WWC1: variants seen among roughly 807,000 people sequenced by gnomAD.
The protein encoded by WWC1 is protein KIBRA.
In WWC1, 55 loss-of-function variants were observed where a neutral mutation model predicts 138.4. The ratio of observed to expected loss-of-function variants is 0.40; its 90% CI spans 0.32 to 0.50. The LOEUF is 0.50. Ranked by LOEUF, WWC1 falls within the 20% of genes least tolerant of loss-of-function variation. The pLI is 0.72. For synonymous variants in WWC1, 524 were observed against 564.9 expected (o/e 0.93, Z 1.03); for missense variants, 1,226 against 1,420.4 (o/e 0.86, Z 2.20).
chr5:168,454,673 G>A (rs6897554), intron 18 of WWC1, among the ~76,000 whole-genome samples: 1,528 of 152,250 alleles, frequency 0.01, 26 homozygotes, highest in African/African-American at 0.035. Context: ...CTGGAGTACC[G>A]CACAGAGGTG....
Position 168,292,091 on chromosome 5 carries a change from A to G in WWC1, c.-62A>G, listed in dbSNP as rs1462819813. On this transcript the variant is annotated 5_prime_UTR_variant, in exon 1 of 23. Coordinates refer to ENST00000265293, the MANE Select transcript of WWC1 (RefSeq NM_015238.3). The surrounding 1 kb of genome is among the most constrained non-coding windows in gnomAD (Gnocchi z 4.4). The stretch of plus-strand genomic sequence containing the variant: ...GCCCGGGCTAAGAGCGGCCGGCTGG[A>G]GCCGCTGAGCCCCCGCTGCGGCCGG... The G allele has an allele frequency of 1.4e-4, 199 of 1,453,690 alleles. 3 individuals are homozygous for G. The East Asian group carries it at 5.5e-3, about 40-fold the overall frequency. The allele number at this position is 1,453,690 out of a possible 1,614,324, so 90.0% of individuals were successfully genotyped here. A position where few individuals can be genotyped will look rare whatever the true frequency, so the allele number is the denominator to read the frequency against.
chr5:168,465,114 A>G, intron 21 of WWC1, 152 bp downstream of exon 21: 1 of 1,223,412 alleles, frequency 8.2e-7, no homozygotes, highest in Middle Eastern at 2.9e-4. Flanking sequence ...CCTCGTTCCC[A>G]TCAGGAGAGG....
chr5:168,293,639 C>A (rs974632520), intron 1 of WWC1, among the ~76,000 whole-genome samples: 1 of 152,164 alleles, frequency 6.6e-6, no homozygotes, highest in Non-Finnish European at 1.5e-5. Context: ...CTGCTTCAAC[C>A]TCTGAGCCTC....
intron 2 of WWC1, among the ~76,000 whole-genome samples, chr5:168,373,840 G>A (rs1051669132): frequency 6.6e-6 from 1 of 150,954 alleles, no homozygotes; most frequent in Non-Finnish European, 1.5e-5. Context: ...AGGTCAGGAG[G>A]TCGAGACCAT....
chr5:168,362,914 C>T (rs1397568229), intron 1 of WWC1, among the ~76,000 whole-genome samples: 6 of 152,234 alleles, frequency 3.9e-5, no homozygotes, highest in Admixed American at 1.3e-4. Flanking sequence ...GTGGAGGAAC[C>T]GTCTGGAATC....
At chr5:168,389,617 T>G (rs1232461290) in intron 3 of WWC1, among the ~76,000 whole-genome samples, 6 of 128,758 alleles carry the variant, frequency 4.7e-5, no homozygotes, top group African/African-American at 1.6e-4. Flanking sequence ...TTTTTTTTTT[T>G]TGTTAATTTT....
At position 168,427,980 on chromosome 5, in the gene WWC1, C is replaced by T. The variant is rs772229186; in HGVS notation, c.1811-53C>T. ...TCAAAAACAAAACAAAATTGGGAGT[C>T]GCAAAGGCAGTTTCCTGGTTCCTGA... On this transcript the variant is annotated intron_variant, in intron 11 of 22. Coordinates refer to ENST00000265293, the MANE Select transcript of WWC1 (RefSeq NM_015238.3). 6.8e-5 allele frequency: 103 copies of T among 1,514,868 alleles called. 1 individual carries two copies. The highest frequency in any genetic ancestry group is 8.2e-5 in the Non-Finnish European group (90 of 1,095,556). 93.8% of individuals were successfully genotyped at this position (1,514,868 alleles called of 1,614,324 possible). A position where few individuals can be genotyped will look rare whatever the true frequency, so the allele number is the denominator to read the frequency against.
chr5:168,431,502 CT>C, intron 15 of WWC1, 58 bp downstream of exon 15: 1 of 1,542,050 alleles, frequency 6.5e-7, no homozygotes, highest in Non-Finnish European at 8.7e-7. Flanking sequence ...GGCTGGCTGG[CT>C]GACCGGCCTT....
chr5:168,342,319 T>C lies in WWC1; in HGVS notation c.120-29105T>C, dbSNP rs191171962. ...ATGGAGCTGAACAGGGTAGGGACCA[T>C]GGAAGGTAGAGCTATTGCGCAAAAA... On this transcript the variant is annotated intron_variant, in intron 1 of 22. Coordinates refer to ENST00000265293, the MANE Select transcript of WWC1 (RefSeq NM_015238.3). Among the ~76,000 whole-genome samples, 32 of 152,076 alleles carry C rather than the reference T, an allele frequency of 2.1e-4. No homozygotes were observed. In the East Asian group the frequency reaches 4.6e-3, roughly 22 times the overall value.
chr5:168,466,953 C>G (rs1198557915), intron 21 of WWC1, among the ~76,000 whole-genome samples: 1 of 151,960 alleles, frequency 6.6e-6, no homozygotes, highest in Non-Finnish European at 1.5e-5. Context: ...TGACTTCTAA[C>G]AAAGAACCAT....
At chr5:168,422,181 T>G in intron 10 of WWC1, 84 bp downstream of exon 10, 1 of 1,350,574 alleles carries the variant, frequency 7.4e-7, no homozygotes, top group Middle Eastern at 2.3e-4. Flanking sequence ...GGCTCTACCC[T>G]TCACTTGTCC....
At chr5:168,396,740 A>T (rs550464511) in intron 3 of WWC1, among the ~76,000 whole-genome samples, 1 of 152,214 alleles carries the variant, frequency 6.6e-6, no homozygotes, top group Non-Finnish European at 1.5e-5. Flanking sequence ...TTTACTGTGT[A>T]GTATTCACTT....
intron 3 of WWC1, among the ~76,000 whole-genome samples, chr5:168,391,975 A>G (rs1303786259): frequency 1.3e-5 from 2 of 151,978 alleles, no homozygotes; most frequent in Admixed American, 6.6e-5. Flanking sequence ...GGCAGCAGCT[A>G]TTTCTGCAAG....
intron 1 of WWC1, among the ~76,000 whole-genome samples, chr5:168,334,268 C>T (rs78468322): frequency 0.051 from 7,787 of 151,912 alleles, 256 homozygotes; most frequent in African/African-American, 0.09. Context: ...CTCTCCCTAA[C>T]GTGGCTCACA....
chr5:168,408,392 G>C (rs1363370136), intron 6 of WWC1, 115 bp from the exon 7 acceptor site: 1 of 1,232,580 alleles, frequency 8.1e-7, no homozygotes, highest in Non-Finnish European at 1.1e-6. Context: ...GATATCTGGG[G>C]AGGGCACAGG....
intron 1 of WWC1, among the ~76,000 whole-genome samples, chr5:168,344,771 T>G (rs576820182): frequency 1.3e-5 from 2 of 152,292 alleles, no homozygotes; most frequent in East Asian, 3.9e-4. Flanking sequence ...GAAGAGAAAT[T>G]ACTTAAAATA....
chr5:168,437,957 T>A (rs968331679), intron 15 of WWC1, among the ~76,000 whole-genome samples: 1 of 151,426 alleles, frequency 6.6e-6, no homozygotes, highest in Non-Finnish European at 1.5e-5. Flanking sequence ...GCTTAGGGAG[T>A]TTTTACTGAA....
At chr5:168,410,260 C>A (rs1485924840) in intron 8 of WWC1, 3 of 403,598 alleles carry the variant, frequency 7.4e-6, no homozygotes, top group Admixed American at 3.7e-5. Context: ...TATCTTCCCA[C>A]TTGCCTGTCT....
intron 15 of WWC1, among the ~76,000 whole-genome samples, chr5:168,433,467 G>A (rs1467454696): frequency 1.3e-5 from 2 of 152,226 alleles, no homozygotes; most frequent in Non-Finnish European, 2.9e-5. Flanking sequence ...TGTTGTTACT[G>A]ACAATAATGC....
Sources: gnomAD v4.1 joint callset for allele counts (sites outside exome capture counted in the v4.1 genomes callset) on GRCh38, gnomAD v4.1.1 for gene constraint, Gnocchi (gnomAD v3.1) non-coding constraint, MANE v1.5 for transcripts, NCBI Gene and HGNC (gene_info 2026-07-23, HGNC 2026-07-21) for gene names.